The following MINPP1 variants were observed in gnomAD, a reference collection of about 807,000 sequenced individuals.
MINPP1 encodes multiple inositol polyphosphate phosphatase 1.
MINPP1 carries 28 observed loss-of-function variants against 46.1 expected under a neutral mutation model. That is an observed-to-expected ratio of 0.61 (90% CI 0.45 to 0.83). The LOEUF is 0.83. MINPP1 is among the 40% of genes least tolerant of loss of function. The pLI, the probability that MINPP1 is intolerant of heterozygous loss-of-function variation, is 0.00. For synonymous variants in MINPP1, 268 were observed against 249.1 expected (o/e 1.08, Z -0.72); for missense variants, 603 against 610.0 (o/e 0.99, Z 0.12).
chr10:87,514,443 T>C (rs1851382390), intron 3 of MINPP1, among the ~76,000 whole-genome samples: 1 of 152,220 alleles, frequency 6.6e-6, no homozygotes, highest in African/African-American at 2.4e-5. Flanking sequence ...AGATTCAGGA[T>C]CTAATAAGGG....
intron 4 of MINPP1, among the ~76,000 whole-genome samples, chr10:87,533,662 TA>T (rs1851690940): frequency 6.6e-6 from 1 of 152,232 alleles, no homozygotes; most frequent in Non-Finnish European, 1.5e-5. Flanking sequence ...TACTATAAAA[TA>T]TTTTTTACTG....
chr10:87,545,399 A>G (rs186865046), intron 4 of MINPP1, among the ~76,000 whole-genome samples: 45 of 152,010 alleles, frequency 3.0e-4, no homozygotes, highest in Admixed American at 9.2e-4. Flanking sequence ...TGATTTATAC[A>G]TATGTCTTGA....
intron 2 of MINPP1, among the ~76,000 whole-genome samples, chr10:87,510,251 A>G (rs1851315805): frequency 6.6e-6 from 1 of 152,238 alleles, no homozygotes; most frequent in East Asian, 1.9e-4. Context: ...TGCTATTTAA[A>G]TACCCTTTTG....
At chr10:87,526,343 C>T (rs1357943731) in intron 4 of MINPP1, among the ~76,000 whole-genome samples, 1 of 152,134 alleles carries the variant, frequency 6.6e-6, no homozygotes, top group Non-Finnish European at 1.5e-5. Context: ...GCATAAATGT[C>T]TTGTTTTGAG....
intron 4 of MINPP1, among the ~76,000 whole-genome samples, chr10:87,534,532 G>A (rs1851706271): frequency 6.6e-6 from 1 of 151,402 alleles, no homozygotes; most frequent in Non-Finnish European, 1.5e-5. Flanking sequence ...TTTTACCTTT[G>A]TACATTTTTT....
Position 87,505,203 on chromosome 10 carries a change from C to G in MINPP1, c.288C>G (p.Val96=). The G allele has an allele frequency of 6.2e-7, 1 of 1,610,622 alleles. No homozygotes were observed. Among genetic ancestry groups the G allele is most frequent in the Non-Finnish European group, 8.5e-7 (1 of 1,178,468 alleles). The stretch of plus-strand genomic sequence containing the variant: ...GCCACGGCACCCGCTACCCCACGGT[C>G]AAACAGATCCGCAAGCTGAGGCAGC... ...LIRHGTRYPT[V]KQIRKLRQLH... is the part of the protein sequence containing the mutation. The change falls in exon 1 of 5, where the codon GTC becomes GTG. Residue 96 remains valine, a synonymous_variant. Transcript: ENST00000371996. This position sits in a 1 kb window ranked among gnomAD's most constrained non-coding sequence, Gnocchi z 4.4.
intron 3 of MINPP1, among the ~76,000 whole-genome samples, chr10:87,514,178 T>C (rs1384083615): frequency 6.6e-6 from 1 of 152,174 alleles, no homozygotes; most frequent in East Asian, 1.9e-4. Flanking sequence ...AATGTGGACA[T>C]ATGGGAGCTG....
chr10:87,507,890 C>T (rs1851276363), intron 1 of MINPP1: 3 of 1,135,968 alleles, frequency 2.6e-6, no homozygotes, highest in Non-Finnish European at 3.2e-6. Context: ...TAAAGTAATA[C>T]AGAGTTGGGA....
At chr10:87,527,203 G>A (rs1851590168) in intron 4 of MINPP1, among the ~76,000 whole-genome samples, 2 of 152,112 alleles carry the variant, frequency 1.3e-5, no homozygotes, top group South Asian at 2.1e-4. Flanking sequence ...CCATTTGTTT[G>A]TGTTCTGTTT....
In MINPP1 at chr10:87,552,348, T is replaced by G. The variant is rs1209838491; in HGVS notation, c.1334T>G (p.Leu445Trp). 14 of 1,613,678 alleles carry G rather than the reference T, an allele frequency of 8.7e-6. No individual in the cohort carries two copies. In the South Asian group the frequency reaches 1.2e-4, roughly 14 times the overall value. Reference protein sequence around the residue: ...QMLLNEKVLPLAYSQETVSFY... With the variant: ...QMLLNEKVLPWAYSQETVSFY... ...TTATTAAATGAAAAGGTGTTACCTT[T>G]GGCTTACTCACAAGAAACTGTTTCA... Residue 445 changes from leucine (L) to tryptophan (W), a missense_variant, in exon 5 of 5, where the codon TTG becomes TGG. Physicochemically the swap from Leu to Trp is moderately conservative, Grantham distance 61 (BLOSUM62 -2). Around this residue, in one of 3 missense-constraint regions of MINPP1, gnomAD observed 344 missense variants for 381.1 expected, o/e 0.90. Transcript: ENST00000371996.
chr10:87,505,401 C>T lies in MINPP1; in HGVS notation c.486C>T (p.Ala162=), dbSNP rs1363559704. 1.2e-6 allele frequency: 2 copies of T among 1,613,946 alleles called. No individual in the cohort carries two copies. Among genetic ancestry groups the T allele is most frequent in the South Asian group, 1.1e-5 (1 of 91,080 alleles). The change falls in exon 1 of 5, where the codon GCC becomes GCT. Residue 162 remains alanine (A), a synonymous_variant. Coordinates refer to ENST00000371996, the MANE Select transcript of MINPP1 (RefSeq NM_004897.5). This position sits in a 1 kb window ranked among gnomAD's most constrained non-coding sequence, Gnocchi z 4.4. ...QDMRQLALRL[A]SLFPALFSRE... is the part of the protein sequence containing the mutation. ...TGCGACAGCTGGCGCTGCGTCTGGC[C>T]TCGCTCTTCCCGGCCCTTTTCAGCC...
At chr10:87,521,662 C>G (rs117741060) in intron 4 of MINPP1, among the ~76,000 whole-genome samples, 7 of 152,140 alleles carry the variant, frequency 4.6e-5, no homozygotes, top group African/African-American at 1.7e-4. Flanking sequence ...TTCATTTTCA[C>G]TGTAGTACAA....
At chr10:87,550,628 G>C (rs1295166533) in intron 4 of MINPP1, among the ~76,000 whole-genome samples, 1 of 152,058 alleles carries the variant, frequency 6.6e-6, no homozygotes, top group East Asian at 1.9e-4. Context: ...AAAAAGGTTT[G>C]TGTCAGATTG....
At position 87,552,599 on chromosome 10, in the gene MINPP1, C is replaced by T; in HGVS notation, c.*121C>T. The T allele has an allele frequency of 1.0e-6, 1 of 998,482 alleles. No individual in the cohort carries two copies. The highest frequency in any genetic ancestry group is 1.5e-6 in the Non-Finnish European group (1 of 667,294). The allele number at this position is 998,482 out of a possible 1,614,324, so 61.9% of individuals were successfully genotyped here. A position where few individuals can be genotyped will look rare whatever the true frequency, so the allele number is the denominator to read the frequency against. On this transcript the variant is annotated 3_prime_UTR_variant, in exon 5 of 5. Transcript: ENST00000371996. Reference sequence around the variant, plus strand: ...TATTACTTGAGTATTTCTGTCTTTTCACAGAAAAACATTGGGTTTCTCTCT... The same window carrying T: ...TATTACTTGAGTATTTCTGTCTTTTTACAGAAAAACATTGGGTTTCTCTCT...
chr10:87,533,261 GAA>G (rs1851685572), intron 4 of MINPP1, among the ~76,000 whole-genome samples: 1 of 151,656 alleles, frequency 6.6e-6, no homozygotes, highest in Admixed American at 6.6e-5. Flanking sequence ...TTACTTCATG[GAA>G]AAAATGGAAG....
chr10:87,510,693 A>G (rs1471217577), intron 2 of MINPP1, among the ~76,000 whole-genome samples: 1 of 152,194 alleles, frequency 6.6e-6, no homozygotes, highest in Non-Finnish European at 1.5e-5. Context: ...CCAGGAGTTC[A>G]AGACCAGCCT....
At chr10:87,534,887 G>C (rs189371177) in intron 4 of MINPP1, among the ~76,000 whole-genome samples, 246 of 152,282 alleles carry the variant, frequency 1.6e-3, no homozygotes, top group African/African-American at 5.7e-3. Flanking sequence ...TTATTTCATG[G>C]CTCCATAACT....
chr10:87,524,330 CTT>C (rs1484055070), intron 4 of MINPP1, among the ~76,000 whole-genome samples: 1 of 152,188 alleles, frequency 6.6e-6, no homozygotes, highest in East Asian at 1.9e-4. Context: ...TTCCTTACCT[CTT>C]AGCTTTTCTA....
intron 4 of MINPP1, among the ~76,000 whole-genome samples, chr10:87,549,551 C>T (rs1851933894): frequency 6.6e-6 from 1 of 152,200 alleles, no homozygotes; most frequent in Non-Finnish European, 1.5e-5. Context: ...GGATCTCAGA[C>T]ACTTGGTAGA....
Sources: gnomAD v4.1 joint callset for allele counts (sites outside exome capture counted in the v4.1 genomes callset) on GRCh38, gnomAD v4.1.1 for gene constraint, gnomAD v4.1.1 regional missense constraint, Gnocchi (gnomAD v3.1) non-coding constraint, MANE v1.5 for transcripts, NCBI Gene and HGNC (gene_info 2026-07-23, HGNC 2026-07-21) for gene names.